The following GATAD2A variants were observed in gnomAD, a reference collection of about 807,000 sequenced individuals.
The protein encoded by GATAD2A is GATA zinc finger domain containing 2A.
A neutral mutation model predicts 68.5 loss-of-function variants in GATAD2A; 12 were observed. That is an observed-to-expected ratio of 0.18 (90% CI 0.11 to 0.28). The LOEUF (loss-of-function observed/expected upper bound fraction) is 0.28. Ranked by LOEUF, GATAD2A falls within the 10% of genes least tolerant of loss-of-function variation. The pLI is 1.00. For missense variants in GATAD2A, 755 were observed against 868.5 expected, an observed-to-expected ratio of 0.87 and a Z score of 1.64; for synonymous variants, 410 against 375.3, an observed-to-expected ratio of 1.09 and a Z score of -1.07.
rs200484933 is a variant in GATAD2A at position 19,505,357 on chromosome 19, G to A, written c.1788G>A (p.Ala596=). 3.0e-5 allele frequency: 49 copies of A among 1,613,262 alleles called. No individual in the cohort carries two copies. The highest frequency in any genetic ancestry group is 3.8e-5 in the Non-Finnish European group (45 of 1,179,738). The part of the protein sequence containing the change: ...KTPLSTGGTL[A]FVSPSLAVHK... ...GTTCTGTTGCAGGCGGGACCCTTGC[G>A]TTTGTCAGCCCAAGCCTGGCGGTGC... Residue 596 remains alanine, a synonymous_variant, in exon 12 of 12, where the codon GCG becomes GCA. Transcript: ENST00000683918.
At chr19:19,440,632 A>G (rs1229525279) in intron 1 of GATAD2A, 1 of 153,106 alleles carries the variant, frequency 6.5e-6, no homozygotes, top group Non-Finnish European at 1.5e-5. Context: ...GGGCACTGGG[A>G]GACTTTTTCA....
intron 1 of GATAD2A, among the ~76,000 whole-genome samples, chr19:19,414,472 T>C (rs2051329204): frequency 6.6e-6 from 1 of 151,990 alleles, no homozygotes. Flanking sequence ...TTGTTTTAGC[T>C]TCCTTCTTAC....
chr19:19,481,403 T>C (rs2059048608), intron 2 of GATAD2A, among the ~76,000 whole-genome samples: 2 of 152,192 alleles, frequency 1.3e-5, no homozygotes, highest in Non-Finnish European at 2.9e-5. Context: ...CAGTCATAGC[T>C]CACTGTAGCC....
At chr19:19,495,723 A>G in intron 5 of GATAD2A, 31 bp from the exon 6 acceptor site, 1 of 1,585,368 alleles carries the variant, frequency 6.3e-7, no homozygotes, top group Non-Finnish European at 8.6e-7. Context: ...GGTCCGGTCC[A>G]TGTAAATCTG....
intron 2 of GATAD2A, among the ~76,000 whole-genome samples, chr19:19,490,196 T>A (rs1458651785): frequency 6.6e-6 from 1 of 152,154 alleles, no homozygotes. Flanking sequence ...TCATCAGGGC[T>A]AGGACCAGCG....
In GATAD2A at chr19:19,447,244, C is replaced by A. The variant is rs1432955219; in HGVS notation, c.-6-18096C>A. Among the ~76,000 whole-genome samples, 3 of 152,144 alleles carry A rather than the reference C, an allele frequency of 2.0e-5. No individual in the cohort carries two copies. The East Asian group carries it at 5.8e-4, about 29-fold the overall frequency. ...CCTGGGGGAGTGGAGATGCAAAGGC[C>A]CTGAGGTGGGAGTGAGCCAGGATGT... On this transcript the variant is annotated intron_variant, in intron 1 of 11. Transcript: ENST00000683918.
chr19:19,387,289 T>A (rs1015832378), intron 1 of GATAD2A, among the ~76,000 whole-genome samples: 1 of 149,200 alleles, frequency 6.7e-6, no homozygotes, highest in Non-Finnish European at 1.5e-5. Flanking sequence ...CCCACCTCTC[T>A]CAGCTGTGGT....
intron 2 of GATAD2A, among the ~76,000 whole-genome samples, chr19:19,484,523 T>C (rs1369737107): frequency 6.8e-6 from 1 of 146,566 alleles, no homozygotes; most frequent in Non-Finnish European, 1.5e-5. Flanking sequence ...TTTTTCTTTT[T>C]TTTTTTTTCT....
At chr19:19,495,665 A>G (rs2060100585) in intron 5 of GATAD2A, 89 bp from the exon 6 acceptor site, 3 of 1,052,482 alleles carry the variant, frequency 2.9e-6, no homozygotes, top group Non-Finnish European at 4.0e-6. Context: ...ACTAGTATGT[A>G]CTTTCATAAA....
rs1361591614 is a variant in GATAD2A, at chr19:19,420,417, T to C, written c.-7+14398T>C. On this transcript the variant is annotated intron_variant, in intron 1 of 11. Coordinates refer to ENST00000683918, the MANE Select transcript of GATAD2A (RefSeq NM_001384528.1). The stretch of plus-strand genomic sequence containing the variant: ...CGCGATCTCGGCTCACTGGAAGCTC[T>C]GCCTCCCAGGTTCCCGCCATTCTCC... Among the ~76,000 whole-genome samples, 7 of 149,012 alleles carry C rather than the reference T, an allele frequency of 4.7e-5. No individual in the cohort carries two copies. In the South Asian group the frequency reaches 6.4e-4, roughly 14 times the overall value.
In GATAD2A at chr19:19,503,191, GGAAA is replaced by G. The variant is rs968353112; in HGVS notation, c.1774+670_1774+673del. On this transcript the variant is annotated intron_variant, in intron 11 of 11. Coordinates refer to ENST00000683918, the MANE Select transcript of GATAD2A (RefSeq NM_001384528.1). ...GTTATATTTCTTGTGTCAAAAATAG[GGAAA>G]GAAAAGGTGGTCAGGAAGGGCCAAG... Among the ~76,000 whole-genome samples the G allele has an allele frequency of 4.3e-4, 65 of 152,240 alleles. 1 individual carries two copies. The highest frequency in any genetic ancestry group is 8.8e-5 in the Non-Finnish European group (6 of 68,048).
chr19:19,395,481 A>C (rs1475691819), intron 1 of GATAD2A, among the ~76,000 whole-genome samples: 1 of 152,060 alleles, frequency 6.6e-6, no homozygotes, highest in Non-Finnish European at 1.5e-5. Flanking sequence ...AAACATGTTC[A>C]AGTTACCCCT....
At chr19:19,413,853 G>A (rs1568712146) in intron 1 of GATAD2A, among the ~76,000 whole-genome samples, 1 of 152,150 alleles carries the variant, frequency 6.6e-6, no homozygotes, top group Non-Finnish European at 1.5e-5. Context: ...CCAAAGTACT[G>A]GGATTACAGG....
At chr19:19,470,831 A>C (rs1218098679) in intron 2 of GATAD2A, among the ~76,000 whole-genome samples, 1 of 152,212 alleles carries the variant, frequency 6.6e-6, no homozygotes, top group Non-Finnish European at 1.5e-5. Flanking sequence ...TAGGAATGTA[A>C]AATAGCCCAG....
intron 1 of GATAD2A, among the ~76,000 whole-genome samples, chr19:19,418,413 A>T (rs1268062124): frequency 1.3e-5 from 2 of 152,232 alleles, no homozygotes; most frequent in African/African-American, 2.4e-5. Flanking sequence ...ATCTCCATAC[A>T]TTGGAAAAGT....
chr19:19,465,966 T>C (rs1031459597), intron 2 of GATAD2A, among the ~76,000 whole-genome samples: 13 of 152,226 alleles, frequency 8.5e-5, no homozygotes, highest in Non-Finnish European at 1.2e-4. Flanking sequence ...TTGGTTATGC[T>C]TCCCTGCTTT....
upstream of GATAD2A, among the ~76,000 whole-genome samples, chr19:19,400,703 C>T (rs1782357382): frequency 1.3e-5 from 2 of 152,092 alleles, no homozygotes; most frequent in African/African-American, 2.4e-5. Context: ...CTTTTCCTTT[C>T]CCAGCCAATT....
At chr19:19,387,891 C>T (rs1276782499) in intron 1 of GATAD2A, among the ~76,000 whole-genome samples, 1 of 152,126 alleles carries the variant, frequency 6.6e-6, no homozygotes, top group Non-Finnish European at 1.5e-5. Context: ...CAAGATATCC[C>T]GTCTCCCGAT....
Position 19,505,532 on chromosome 19 carries a change from A to G in GATAD2A, c.*58A>G, listed in dbSNP as rs1026375201. 1.8e-5 allele frequency: 27 copies of G among 1,471,836 alleles called. No homozygotes were observed. In the Admixed American group the frequency reaches 4.7e-4, roughly 26 times the overall value. 91.2% of individuals were successfully genotyped at this position (1,471,836 alleles called of 1,614,324 possible). A position where few individuals can be genotyped will look rare whatever the true frequency, so the allele number is the denominator to read the frequency against. On this transcript the variant is annotated 3_prime_UTR_variant, in exon 12 of 12. Transcript: ENST00000683918. ...TCCTCCCCCACCTGGCCCCTGGTCTAGAAGGACCCACTGCACCACCCTCCG... is the reference window on the plus strand; with the variant it reads ...TCCTCCCCCACCTGGCCCCTGGTCTGGAAGGACCCACTGCACCACCCTCCG...
Sources: gnomAD v4.1 joint callset for allele counts (sites outside exome capture counted in the v4.1 genomes callset) on GRCh38, gnomAD v4.1.1 for gene constraint, MANE v1.5 for transcripts, NCBI Gene and HGNC (gene_info 2026-07-23, HGNC 2026-07-21) for gene names.